Variants in ARPP21 observed in about 807,000 individuals in gnomAD.
ARPP21 encodes the protein cAMP regulated phosphoprotein 21, also known as cAMP-regulated phosphoprotein 21.
In ARPP21, 69 loss-of-function variants were observed where a neutral mutation model predicts 113.2. The ratio of observed to expected loss-of-function variants is 0.61; its 90% CI spans 0.50 to 0.74. The LOEUF (loss-of-function observed/expected upper bound fraction) is 0.74. Ranked by LOEUF, ARPP21 falls within the 30% of genes least tolerant of loss-of-function variation. The pLI is 0.00. For missense variants in ARPP21, 1,070 were observed against 1,037.4 expected (o/e 1.03, Z -0.43); for synonymous variants, 368 against 375.5 (o/e 0.98, Z 0.23).
intron 1 of ARPP21, among the ~76,000 whole-genome samples, chr3:35,653,507 C>T (rs1703394151): frequency 6.6e-6 from 1 of 152,002 alleles, no homozygotes. Flanking sequence ...CAGATCTATA[C>T]TTGTGGTTGC....
intron 1 of ARPP21, chr3:35,643,590 T>C (rs1265454817): frequency 6.6e-6 from 1 of 152,050 alleles, no homozygotes; most frequent in East Asian, 1.9e-4. Flanking sequence ...GCTACATAAG[T>C]AGAGTGTAGA....
intron 11 of ARPP21, among the ~76,000 whole-genome samples, chr3:35,712,731 T>C (rs2091550531): frequency 6.6e-6 from 1 of 152,180 alleles, no homozygotes; most frequent in African/African-American, 2.4e-5. Flanking sequence ...ACTAAATAGT[T>C]GTAAGTCAAA....
intron 1 of ARPP21, among the ~76,000 whole-genome samples, chr3:35,651,232 T>C (rs1241117116): frequency 6.6e-6 from 1 of 152,030 alleles, no homozygotes; most frequent in Non-Finnish European, 1.5e-5. Flanking sequence ...GCAAAAACAA[T>C]TTAGATATTT....
intron 19 of ARPP21, among the ~76,000 whole-genome samples, chr3:35,749,431 C>CAAA (rs61007987): frequency 0.25 from 25,159 of 100,372 alleles, 2,857 homozygotes; most frequent in African/African-American, 0.32. Context: ...TTCCTAAAAG[C>CAAA]AAAAAAAAAA....
chr3:35,685,327 C>T, intron 5 of ARPP21: 1 of 985,242 alleles, frequency 1.0e-6, no homozygotes, highest in Non-Finnish European at 1.2e-6. Context: ...CCAAGACTAG[C>T]TTTGTAGGAG....
chr3:35,712,676 A>C (rs1305419551), intron 11 of ARPP21, among the ~76,000 whole-genome samples: 1 of 151,996 alleles, frequency 6.6e-6, no homozygotes, highest in Non-Finnish European at 1.5e-5. Context: ...CCACTTTGAG[A>C]ATTTTGAGAT....
At chr3:35,659,699 G>A (rs1166091985) in intron 1 of ARPP21, among the ~76,000 whole-genome samples, 5 of 152,144 alleles carry the variant, frequency 3.3e-5, no homozygotes, top group Non-Finnish European at 4.4e-5. Context: ...TGTTAGTAAA[G>A]GGTTGAATCT....
chr3:35,780,293 G>A (rs923439054), intron 19 of ARPP21, among the ~76,000 whole-genome samples: 1 of 152,100 alleles, frequency 6.6e-6, no homozygotes, highest in Non-Finnish European at 1.5e-5. Flanking sequence ...TTTTCCTAGA[G>A]GATTGCAATC....
intron 13 of ARPP21, among the ~76,000 whole-genome samples, chr3:35,718,696 C>T (rs955430928): frequency 2.0e-5 from 3 of 151,980 alleles, no homozygotes; most frequent in East Asian, 1.9e-4. Context: ...ATCCCTAGCC[C>T]GTGCAAAAAA....
chr3:35,793,473 C>A (rs1230647304), intron 20 of ARPP21, among the ~76,000 whole-genome samples: 8 of 152,182 alleles, frequency 5.3e-5, no homozygotes, highest in Non-Finnish European at 1.0e-4. Context: ...TCCCTTCAAT[C>A]CTTTCAATGG....
At chr3:35,644,084 A>T (rs1408411110) in intron 1 of ARPP21, among the ~76,000 whole-genome samples, 1 of 151,914 alleles carries the variant, frequency 6.6e-6, no homozygotes, top group African/African-American at 2.4e-5. Context: ...TATGTTAAAT[A>T]TGATAAATGA....
At chr3:35,651,913 T>C (rs1049813327) in intron 1 of ARPP21, 4 of 152,116 alleles carry the variant, frequency 2.6e-5, no homozygotes, top group African/African-American at 9.7e-5. Flanking sequence ...TCAACACAGC[T>C]ATACTCTATA....
intron 9 of ARPP21, among the ~76,000 whole-genome samples, chr3:35,692,685 G>C (rs978610410): frequency 6.6e-6 from 1 of 151,602 alleles, no homozygotes; most frequent in Non-Finnish European, 1.5e-5. Flanking sequence ...AGAAAATTAA[G>C]CATTATATCA....
chr3:35,730,184 T>C (rs557748644), intron 15 of ARPP21, among the ~76,000 whole-genome samples: 2 of 152,180 alleles, frequency 1.3e-5, no homozygotes, highest in Non-Finnish European at 2.9e-5. Flanking sequence ...TGAATGGCCA[T>C]TGGTTCTTTA....
intron 19 of ARPP21, among the ~76,000 whole-genome samples, chr3:35,772,815 G>C (rs999957000): frequency 6.6e-6 from 1 of 152,200 alleles, no homozygotes; most frequent in Non-Finnish European, 1.5e-5. Context: ...GCACAGGCTT[G>C]CCTGGGTTGA....
At chr3:35,713,497 G>C (rs756514124) in intron 11 of ARPP21, among the ~76,000 whole-genome samples, 11 of 152,058 alleles carry the variant, frequency 7.2e-5, no homozygotes, top group Non-Finnish European at 1.5e-4. Flanking sequence ...CTGGGCTCAA[G>C]TGATTCTCCC....
At chr3:35,693,068 T>C (rs1418361699) in intron 9 of ARPP21, among the ~76,000 whole-genome samples, 1 of 151,528 alleles carries the variant, frequency 6.6e-6, no homozygotes, top group African/African-American at 2.4e-5. Flanking sequence ...TAATGGCCAT[T>C]TAAAAATAGA....
chr3:35,737,468 G>C (rs1196732791), intron 16 of ARPP21, 106 bp downstream of exon 16: 1 of 695,302 alleles, frequency 1.4e-6, no homozygotes, highest in Non-Finnish European at 2.2e-6. Flanking sequence ...TTACACTCAA[G>C]CCTCACAAAT....
intron 10 of ARPP21, chr3:35,707,532 C>A: frequency 4.4e-6 from 2 of 458,124 alleles, no homozygotes; most frequent in South Asian, 3.1e-5. Context: ...AAAGAACAAA[C>A]CTTGTTATGG....
Sources: allele counts gnomAD v4.1 joint callset (sites outside exome capture counted in the v4.1 genomes callset), GRCh38; gene constraint gnomAD v4.1.1; transcripts MANE v1.5; gene names NCBI Gene and HGNC (gene_info 2026-07-23, HGNC 2026-07-21).